Variants in TEAD4 observed in about 807,000 individuals in gnomAD.
The protein encoded by TEAD4 is transcriptional enhancer factor TEF-3.
Under a neutral mutation model 52.4 loss-of-function variants are expected in TEAD4, and 36 were observed. That is an observed-to-expected ratio of 0.69 (90% CI 0.53 to 0.91). TEAD4 has a LOEUF of 0.91. Ranked by LOEUF, TEAD4 falls within the 40% of genes least tolerant of loss-of-function variation. TEAD4 has a pLI of 0.00. For synonymous variants in TEAD4, 220 were observed against 231.0 expected (o/e 0.95, Z 0.43); for missense variants, 508 against 583.9 (o/e 0.87, Z 1.34).
intron 2 of TEAD4, among the ~76,000 whole-genome samples, chr12:2,979,570 A>G (rs1328119394): frequency 6.6e-6 from 1 of 152,208 alleles, no homozygotes; most frequent in Non-Finnish European, 1.5e-5. Flanking sequence ...GTGTCCACAA[A>G]TGACTGTGAA....
At chr12:2,962,327 A>AATATATAAATATATATATAAATATAT in intron 2 of TEAD4, among the ~76,000 whole-genome samples, 1 of 112,750 alleles carries the variant, frequency 8.9e-6, no homozygotes, top group Admixed American at 1.0e-4. Context: ...TATATATATA[A>AATATATAAATATATATATAAATATAT]ATATAAATAT....
intron 10 of TEAD4, 87 bp from the exon 11 acceptor site, chr12:3,037,881 G>T: frequency 6.7e-7 from 1 of 1,497,006 alleles, no homozygotes; most frequent in East Asian, 2.4e-5. Context: ...CCCTAGAGCC[G>T]GGACCGGGAC....
At chr12:2,974,394 T>C (rs1027966125) in intron 2 of TEAD4, among the ~76,000 whole-genome samples, 2 of 152,154 alleles carry the variant, frequency 1.3e-5, no homozygotes, top group African/African-American at 2.4e-5. Flanking sequence ...AAGACTTACA[T>C]GAAAAATGAC....
Position 3,037,973 on chromosome 12 carries a change from C to A in TEAD4, c.903C>A (p.Asp301Glu). 6.2e-7 allele frequency: 1 copy of A among 1,613,412 alleles called. No individual in the cohort carries two copies. The highest frequency in any genetic ancestry group is 8.5e-7 in the Non-Finnish European group (1 of 1,179,510). Residue 301 changes from aspartate to glutamate, a missense_variant, in exon 11 of 13, where the codon GAC (aspartate) becomes GAA (glutamate). By Grantham distance (45) the Asp-to-Glu change is conservative (BLOSUM62 2). Transcript: ENST00000359864. ...TTCCCACTGTCTCCCTCCAGGCAGACCTCAACACCAACATCGAGGATGAAG... is the reference window on the plus strand; with the variant it reads ...TTCCCACTGTCTCCCTCCAGGCAGAACTCAACACCAACATCGAGGATGAAG...
chr12:2,985,703 A>G (rs2153954369), intron 2 of TEAD4, among the ~76,000 whole-genome samples: 1 of 151,886 alleles, frequency 6.6e-6, no homozygotes, highest in East Asian at 2.0e-4. Flanking sequence ...ACGGGGTTTC[A>G]GCATATTGGC....
At chr12:3,029,534 G>A (rs1299478099) in intron 10 of TEAD4, among the ~76,000 whole-genome samples, 5 of 152,122 alleles carry the variant, frequency 3.3e-5, no homozygotes, top group East Asian at 3.9e-4. Flanking sequence ...CACCGCGCCC[G>A]GCCCAAGTTT....
At chr12:2,978,711 T>C (rs1161519853) in intron 2 of TEAD4, among the ~76,000 whole-genome samples, 1 of 151,892 alleles carries the variant, frequency 6.6e-6, no homozygotes, top group Non-Finnish European at 1.5e-5. Flanking sequence ...ACAATGACTG[T>C]TAATGTTATG....
intron 3 of TEAD4, among the ~76,000 whole-genome samples, chr12:3,002,734 A>G (rs2098252680): frequency 6.6e-6 from 1 of 152,170 alleles, no homozygotes; most frequent in Non-Finnish European, 1.5e-5. Context: ...GCCCTCAAGG[A>G]ACTCACAGTG....
intron 5 of TEAD4, among the ~76,000 whole-genome samples, chr12:3,014,214 T>C (rs1027486941): frequency 3.9e-5 from 6 of 152,170 alleles, no homozygotes; most frequent in Non-Finnish European, 8.8e-5. Flanking sequence ...TTCCCCTCTT[T>C]CGTCTGCCTC....
chr12:2,976,773 C>T (rs1044793261), intron 2 of TEAD4, among the ~76,000 whole-genome samples: 1 of 150,210 alleles, frequency 6.7e-6, no homozygotes, highest in African/African-American at 2.5e-5. Flanking sequence ...CAAGTACTCG[C>T]CACCCCATTG....
At chr12:2,999,543 G>T in intron 3 of TEAD4, among the ~76,000 whole-genome samples, 1 of 152,214 alleles carries the variant, frequency 6.6e-6, no homozygotes, top group African/African-American at 2.4e-5. Context: ...CTATTTCTGA[G>T]CTGAGTCTCC....
Position 2,973,430 on chromosome 12 carries a change from C to T in TEAD4, c.-30+13390C>T, listed in dbSNP as rs539280920. On this transcript the variant is annotated intron_variant, in intron 2 of 12. Coordinates refer to ENST00000359864, the MANE Select transcript of TEAD4 (RefSeq NM_003213.4). ...TCAGGACAGTCAGATATGTGATTTACAGATGTTTGGAGGAAATTAGTTTAT... is the reference window on the plus strand; with the variant it reads ...TCAGGACAGTCAGATATGTGATTTATAGATGTTTGGAGGAAATTAGTTTAT... Among the ~76,000 whole-genome samples, 92 of 152,258 alleles carry T rather than the reference C, an allele frequency of 6.0e-4. 1 individual carries two copies. Among genetic ancestry groups the T allele is most frequent in the African/African-American group, 2.1e-3 (89 of 41,522 alleles).
intron 12 of TEAD4, 24 bp from the exon 13 acceptor site, chr12:3,040,341 C>G: frequency 6.2e-7 from 1 of 1,614,098 alleles, no homozygotes; most frequent in Non-Finnish European, 8.5e-7. Context: ...GCCTTATTAA[C>G]CCTTGTCTTT....
At chr12:3,022,743 C>G (rs2153957583) in intron 10 of TEAD4, among the ~76,000 whole-genome samples, 1 of 152,220 alleles carries the variant, frequency 6.6e-6, no homozygotes, top group Admixed American at 6.5e-5. Context: ...GAGAGTCAGA[C>G]AAGTAAGTGC....
intron 2 of TEAD4, among the ~76,000 whole-genome samples, chr12:2,978,590 A>G (rs1214520604): frequency 6.6e-6 from 1 of 151,992 alleles, no homozygotes; most frequent in Admixed American, 6.6e-5. Context: ...TTTTTAGTAG[A>G]GACAGGTTTC....
chr12:3,014,078 C>T (rs944305011), intron 5 of TEAD4, among the ~76,000 whole-genome samples: 4 of 152,198 alleles, frequency 2.6e-5, no homozygotes, highest in African/African-American at 9.7e-5. Context: ...AGCTGTTCCC[C>T]AAGCCCCACA....
intron 2 of TEAD4, among the ~76,000 whole-genome samples, chr12:2,963,274 A>G (rs1337007988): frequency 2.0e-5 from 3 of 152,192 alleles, no homozygotes; most frequent in Non-Finnish European, 2.9e-5. Context: ...CCTGTTGCCA[A>G]ACCTGTGGCT....
At chr12:2,984,481 A>G (rs1443257344) in intron 2 of TEAD4, among the ~76,000 whole-genome samples, 1 of 152,052 alleles carries the variant, frequency 6.6e-6, no homozygotes, top group African/African-American at 2.4e-5. Context: ...CATTAGTTAG[A>G]TGTGGGAGAT....
intron 2 of TEAD4, among the ~76,000 whole-genome samples, chr12:2,978,829 T>G (rs2098231928): frequency 6.6e-6 from 1 of 152,230 alleles, no homozygotes; most frequent in Non-Finnish European, 1.5e-5. Context: ...AACATGAGAT[T>G]TGTCCTTTCA....
Sources: gnomAD v4.1 joint callset for allele counts (sites outside exome capture counted in the v4.1 genomes callset) on GRCh38, gnomAD v4.1.1 for gene constraint, MANE v1.5 for transcripts, NCBI Gene and HGNC (gene_info 2026-07-23, HGNC 2026-07-21) for gene names.